BRIP1: variants seen among roughly 807,000 people sequenced by gnomAD.
BRIP1 encodes the protein Fanconi anemia group J protein.
Under a neutral mutation model 119.7 loss-of-function variants are expected in BRIP1, and 88 were observed. That is an observed-to-expected ratio of 0.74 (90% CI 0.62 to 0.88). The LOEUF (loss-of-function observed/expected upper bound fraction) is 0.88, where lower values mean the gene tolerates loss of function less well. Among genes scored for constraint, BRIP1 ranks in the 40% least tolerant of loss-of-function variants. The pLI is 0.00. For synonymous variants in BRIP1, 443 were observed against 496.5 expected, an observed-to-expected ratio of 0.89 and a Z score of 1.43; for missense variants, 1,259 against 1,455.4, an observed-to-expected ratio of 0.87 and a Z score of 2.20.
rs1247764065 is a variant in BRIP1 at position 61,759,427 on chromosome 17, A to G, written c.2098-14836T>C. The stretch of plus-strand genomic sequence containing the variant: ...ATCAAAGTACCTAAATATATAAAGC[A>G]AGTATTAAAGGATCTGAAAAGAGAG... On this transcript the variant is annotated intron_variant, in intron 14 of 19. Transcript: ENST00000259008. This position sits in a 1 kb window ranked among gnomAD's most constrained non-coding sequence, Gnocchi z 4.9. 6.6e-6 allele frequency among the ~76,000 whole-genome samples: 1 copy of G among 152,206 alleles called. No homozygotes were observed. Among genetic ancestry groups the G allele is most frequent in the Non-Finnish European group, 1.5e-5 (1 of 68,034 alleles).
intron 16 of BRIP1, among the ~76,000 whole-genome samples, chr17:61,721,267 C>T (rs1603295580): frequency 3.5e-5 from 4 of 114,180 alleles, no homozygotes; most frequent in South Asian, 2.9e-4. Context: ...AAAATCTAAG[C>T]TTTTTTTTTT....
chr17:61,844,278 T>C lies in BRIP1; in HGVS notation c.627+2823A>G, dbSNP rs527492529. Among the ~76,000 whole-genome samples the C allele has an allele frequency of 6.2e-4, 94 of 152,144 alleles. No homozygotes were observed. Among genetic ancestry groups the C allele is most frequent in the South Asian group, 1.0e-3 (5 of 4,814 alleles). ...CAGGCAGTATGTGTCCAAAGTCCAT[T>C]CTCTTAACCAATAAAAACAAAACAA... On this transcript the variant is annotated intron_variant, in intron 6 of 19. Coordinates refer to ENST00000259008, the MANE Select transcript of BRIP1 (RefSeq NM_032043.3). The surrounding 1 kb of genome is among the most constrained non-coding windows in gnomAD (Gnocchi z 4.7).
chr17:61,772,674 C>T (rs1431022011), intron 14 of BRIP1, among the ~76,000 whole-genome samples: 2 of 151,832 alleles, frequency 1.3e-5, no homozygotes, highest in East Asian at 3.9e-4. Context: ...CAAAATTAGC[C>T]GGGTGTGGTG....
In BRIP1 at chr17:61,730,799, A is replaced by C. The variant is rs2076834441; in HGVS notation, c.2379+12214T>G. On this transcript the variant is annotated intron_variant, in intron 16 of 19. Transcript: ENST00000259008. This position sits in a 1 kb window ranked among gnomAD's most constrained non-coding sequence, Gnocchi z 4.3. ...ACTTGCTTAAAATTTTGGGATTTTA[A>C]ATATTTCCATCCTTGATCCCAAAAT... Among the ~76,000 whole-genome samples, 1 of 152,170 alleles carries C rather than the reference A, an allele frequency of 6.6e-6. No homozygotes were observed. Among genetic ancestry groups the C allele is most frequent in the Non-Finnish European group, 1.5e-5 (1 of 68,024 alleles).
Position 61,845,352 on chromosome 17 carries a change from C to A in BRIP1, c.627+1749G>T. Among the ~76,000 whole-genome samples the A allele has an allele frequency of 6.6e-6, 1 of 151,974 alleles. No homozygotes were observed. Among genetic ancestry groups the A allele is most frequent in the Non-Finnish European group, 1.5e-5 (1 of 67,994 alleles). ...CAGTCTATCTTGCACTTAGGATGGA[C>A]CTTTTCTAGGCATCATTTTGCAATA... On this transcript the variant is annotated intron_variant, in intron 6 of 19. Coordinates refer to ENST00000259008, the MANE Select transcript of BRIP1 (RefSeq NM_032043.3). The surrounding 1 kb of genome is among the most constrained non-coding windows in gnomAD (Gnocchi z 4.2).
rs2077039199 is a variant in BRIP1 at position 61,744,864 on chromosome 17, T to C, written c.2098-273A>G. Among the ~76,000 whole-genome samples, 1 of 151,644 alleles carries C rather than the reference T, an allele frequency of 6.6e-6. No homozygotes were observed. The highest frequency in any genetic ancestry group is 1.5e-5 in the Non-Finnish European group (1 of 67,946). ...CAATTTCTACCACTACTACTGCTAC[T>C]ACTACTATTACTACTACTACTTCTA... On this transcript the variant is annotated intron_variant, in intron 14 of 19. Transcript: ENST00000259008. This position sits in a 1 kb window ranked among gnomAD's most constrained non-coding sequence, Gnocchi z 5.0.
rs1016067872 is a variant in BRIP1 at position 61,740,219 on chromosome 17, C to G, written c.2379+2794G>C. Among the ~76,000 whole-genome samples the G allele has an allele frequency of 1.3e-5, 2 of 152,076 alleles. No homozygotes were observed. The highest frequency in any genetic ancestry group is 2.1e-4 in the South Asian group (1 of 4,818). ...ATATGGAGTGACTAAATCACAAGATCTGCAAGGCAGGACACTGGAAAGAAG... is the reference window on the plus strand; with the variant it reads ...ATATGGAGTGACTAAATCACAAGATGTGCAAGGCAGGACACTGGAAAGAAG... On this transcript the variant is annotated intron_variant, in intron 16 of 19. Coordinates refer to ENST00000259008, the MANE Select transcript of BRIP1 (RefSeq NM_032043.3). This position sits in a 1 kb window ranked among gnomAD's most constrained non-coding sequence, Gnocchi z 5.4.
In BRIP1 at chr17:61,862,543, G is replaced by A. The variant is rs1005056555; in HGVS notation, c.-31+741C>T. On this transcript the variant is annotated intron_variant, in intron 1 of 19. Transcript: ENST00000259008. The surrounding 1 kb of genome is among the most constrained non-coding windows in gnomAD (Gnocchi z 5.3). Reference sequence around the variant, plus strand: ...CACTTTTCTTAACCTAGGATCCACGGATGTAATTCAGAGACAATGACCTCT... The same window carrying A: ...CACTTTTCTTAACCTAGGATCCACGAATGTAATTCAGAGACAATGACCTCT... Among the ~76,000 whole-genome samples the A allele has an allele frequency of 3.3e-5, 5 of 152,248 alleles. No individual in the cohort carries two copies. Among genetic ancestry groups the A allele is most frequent in the African/African-American group, 1.2e-4 (5 of 41,540 alleles).
At position 61,823,598 on chromosome 17, in the gene BRIP1, T is replaced by A. The variant is rs964337022; in HGVS notation, c.628-14841A>T. Among the ~76,000 whole-genome samples, 4 of 152,168 alleles carry A rather than the reference T, an allele frequency of 2.6e-5. No homozygotes were observed. The highest frequency in any genetic ancestry group is 9.7e-5 in the African/African-American group (4 of 41,442). ...TAAAAAATGAACATATAGTCAGTGA[T>A]GTATAATATCAAGCTGTCTAATATA... is the stretch of plus-strand genomic sequence containing the variant. On this transcript the variant is annotated intron_variant, in intron 6 of 19. Coordinates refer to ENST00000259008, the MANE Select transcript of BRIP1 (RefSeq NM_032043.3). The surrounding 1 kb of genome is among the most constrained non-coding windows in gnomAD (Gnocchi z 4.8).
At chr17:61,714,089 CT>C (rs748198890) in intron 17 of BRIP1, among the ~76,000 whole-genome samples, 2 of 152,076 alleles carry the variant, frequency 1.3e-5, no homozygotes, top group Non-Finnish European at 2.9e-5. Context: ...GGTGAGAGGA[CT>C]GCTTGAACCC....
At chr17:61,707,473 T>C (rs1307357866) in intron 17 of BRIP1, among the ~76,000 whole-genome samples, 1 of 152,184 alleles carries the variant, frequency 6.6e-6, no homozygotes, top group African/African-American at 2.4e-5. Context: ...TTCTTTGAGA[T>C]GTTTCTTTCC....
intron 10 of BRIP1, among the ~76,000 whole-genome samples, chr17:61,787,353 A>G (rs897848296): frequency 1.6e-5 from 2 of 128,008 alleles, no homozygotes; most frequent in Non-Finnish European, 3.2e-5. Flanking sequence ...AAAACATTAT[A>G]TATTAATATA....
chr17:61,687,816 T>C lies in BRIP1; in HGVS notation c.2576-1651A>G, dbSNP rs916261793. On this transcript the variant is annotated intron_variant, in intron 18 of 19. Coordinates refer to ENST00000259008, the MANE Select transcript of BRIP1 (RefSeq NM_032043.3). The surrounding 1 kb of genome is among the most constrained non-coding windows in gnomAD (Gnocchi z 5.1). ...TTGTCATGATCCCCACTTCAGAATATACCTGGCTGCTTCTTCCTGGGGAGA... is the reference window on the plus strand; with the variant it reads ...TTGTCATGATCCCCACTTCAGAATACACCTGGCTGCTTCTTCCTGGGGAGA... Among the ~76,000 whole-genome samples, 5 of 152,148 alleles carry C rather than the reference T, an allele frequency of 3.3e-5. No individual in the cohort carries two copies. In the East Asian group the frequency reaches 5.8e-4, roughly 18 times the overall value.
At position 61,852,211 on chromosome 17, in the gene BRIP1, TATC is replaced by T. The variant is rs2078831831; in HGVS notation, c.380-2958_380-2956del. Among the ~76,000 whole-genome samples the T allele has an allele frequency of 6.6e-6, 1 of 152,164 alleles. No individual in the cohort carries two copies. Among genetic ancestry groups the T allele is most frequent in the Non-Finnish European group, 1.5e-5 (1 of 68,026 alleles). On this transcript the variant is annotated intron_variant, in intron 4 of 19. Transcript: ENST00000259008. The surrounding 1 kb of genome is among the most constrained non-coding windows in gnomAD (Gnocchi z 4.9). ...CAATTCATAAAAATAAAAATCATAT[TATC>T]ATCACATACAAAAAGGCTTATCTTC...
chr17:61,850,004 T>C (rs2078793312), intron 4 of BRIP1, among the ~76,000 whole-genome samples: 1 of 152,192 alleles, frequency 6.6e-6, no homozygotes, highest in African/African-American at 2.4e-5. Context: ...TTTTCCTAAA[T>C]ATAAATATTC....
At position 61,680,480 on chromosome 17, in the gene BRIP1, C is replaced by CTTT. The variant is rs768910110; in HGVS notation, c.*2813_*2815dup. Among the ~76,000 whole-genome samples the CTTT allele has an allele frequency of 9.5e-4, 118 of 124,068 alleles. 6 individuals are homozygous for CTTT. Among genetic ancestry groups the CTTT allele is most frequent in the Middle Eastern group, 0.01 (2 of 200 alleles). 81.4% of individuals were successfully genotyped at this position (124,068 alleles called of 152,430 possible). A position where few individuals can be genotyped will look rare whatever the true frequency, so the allele number is the denominator to read the frequency against. On this transcript the variant is annotated 3_prime_UTR_variant, in exon 20 of 20. Coordinates refer to ENST00000259008, the MANE Select transcript of BRIP1 (RefSeq NM_032043.3). ...AGTTTACCAATTCTAAAGGTAATTT[C>CTTT]TTTTTTTTTTTTTTTTTGAGACGGA...
At chr17:61,819,883 A>G (rs1346325889) in intron 6 of BRIP1, among the ~76,000 whole-genome samples, 1 of 152,190 alleles carries the variant, frequency 6.6e-6, no homozygotes, top group African/African-American at 2.4e-5. Flanking sequence ...TAAGAGTATA[A>G]TTGGATTATT....
Position 61,743,073 on chromosome 17 carries a change from A to G in BRIP1, c.2319T>C (p.Asp773=), listed in dbSNP as rs1555590447. 6.2e-7 allele frequency: 1 copy of G among 1,613,996 alleles called. No homozygotes were observed. The highest frequency in any genetic ancestry group is 8.5e-7 in the Non-Finnish European group (1 of 1,179,892). Residue 773 remains aspartate, a synonymous_variant, in exon 16 of 20, where the codon GAT becomes GAC. Transcript: ENST00000259008. The surrounding 1 kb of genome is among the most constrained non-coding windows in gnomAD (Gnocchi z 4.3). ...GKVSEGLDFS[D]DNARAVITIG... is the part of the protein sequence containing the mutation. Reference sequence around the variant, plus strand: ...TTGTTATGACAGCACGGGCATTGTCATCTGAGAAATCCAGACCCTCACTCA... The same window carrying G: ...TTGTTATGACAGCACGGGCATTGTCGTCTGAGAAATCCAGACCCTCACTCA...
At chr17:61,781,877 C>T (rs1229359174) in intron 11 of BRIP1, among the ~76,000 whole-genome samples, 3 of 148,188 alleles carry the variant, frequency 2.0e-5, no homozygotes, top group Admixed American at 6.8e-5. Flanking sequence ...GCTGAGATAG[C>T]GCCACTGCAC....
Sources: gnomAD v4.1 joint callset for allele counts (sites outside exome capture counted in the v4.1 genomes callset) on GRCh38, gnomAD v4.1.1 for gene constraint, Gnocchi (gnomAD v3.1) non-coding constraint, MANE v1.5 for transcripts, NCBI Gene and HGNC (gene_info 2026-07-23, HGNC 2026-07-21) for gene names.